Variants in KDM2B observed in about 807,000 individuals in gnomAD.
KDM2B encodes the protein lysine demethylase 2B.
KDM2B carries 26 observed loss-of-function variants against 150.0 expected under a neutral mutation model. That is an observed-to-expected ratio of 0.17 (90% confidence interval 0.13 to 0.24). The LOEUF (loss-of-function observed/expected upper bound fraction) is 0.24. Among genes scored for constraint, KDM2B ranks in the 10% least tolerant of loss-of-function variants. KDM2B has a pLI of 1.00. For missense variants in KDM2B, 1,265 were observed against 1,816.9 expected (o/e 0.70, Z 5.52); for synonymous variants, 734 against 729.5 (o/e 1.01, Z -0.10).
chr12:121,491,000 A>T lies in KDM2B; in HGVS notation c.1734+3579T>A, dbSNP rs569923115. Among the ~76,000 whole-genome samples the T allele has an allele frequency of 2.0e-5, 3 of 152,274 alleles. No individual in the cohort carries two copies. The South Asian group carries it at 6.2e-4, about 32-fold the overall frequency. ...ACCCCAACCTGCATCCAATGGGAGG[A>T]AGCTGCAACCTGGGAACCCAGAGAC... On this transcript the variant is annotated intron_variant, in intron 12 of 22. Transcript: ENST00000377071.
At chr12:121,474,249 C>G (rs1266432079) in intron 12 of KDM2B, among the ~76,000 whole-genome samples, 1 of 152,168 alleles carries the variant, frequency 6.6e-6, no homozygotes, top group African/African-American at 2.4e-5. Context: ...CACGGTGGCT[C>G]ACACCTGTAA....
chr12:121,454,990 G>A (rs1593803909), intron 12 of KDM2B, among the ~76,000 whole-genome samples: 1 of 152,086 alleles, frequency 6.6e-6, no homozygotes, highest in Admixed American at 6.5e-5. Context: ...CTCAAATACA[G>A]CCTCGCCACC....
intron 8 of KDM2B, among the ~76,000 whole-genome samples, chr12:121,531,926 C>G (rs1555307854): frequency 6.6e-6 from 1 of 152,036 alleles, no homozygotes; most frequent in Non-Finnish European, 1.5e-5. Context: ...AACCCCACCT[C>G]TACTAAAAAT....
intron 8 of KDM2B, among the ~76,000 whole-genome samples, chr12:121,530,460 C>G (rs1489780510): frequency 1.3e-5 from 2 of 151,984 alleles, no homozygotes; most frequent in Non-Finnish European, 2.9e-5. Flanking sequence ...GTATCTGTTC[C>G]TAAGTTTTTT....
intron 6 of KDM2B, among the ~76,000 whole-genome samples, chr12:121,547,626 C>T (rs1889162505): frequency 6.6e-6 from 1 of 150,788 alleles, no homozygotes; most frequent in African/African-American, 2.4e-5. Context: ...CTGGGACAGC[C>T]TGTGTCTCCT....
At chr12:121,437,782 A>G (rs1555287153) in intron 22 of KDM2B, among the ~76,000 whole-genome samples, 2 of 152,176 alleles carry the variant, frequency 1.3e-5, no homozygotes, top group African/African-American at 4.8e-5. Context: ...AGGCATGTCA[A>G]CTGTCATCTA....
intron 6 of KDM2B, among the ~76,000 whole-genome samples, chr12:121,547,715 T>G (rs1449275520): frequency 7.0e-6 from 1 of 142,582 alleles, no homozygotes; most frequent in Non-Finnish European, 1.5e-5. Context: ...AGTGGCTCAA[T>G]CACTGCAACC....
intron 8 of KDM2B, among the ~76,000 whole-genome samples, chr12:121,523,760 A>G (rs1383665691): frequency 1.3e-5 from 2 of 152,242 alleles, no homozygotes; most frequent in African/African-American, 4.8e-5. Context: ...GGGTACAGGC[A>G]CGAGGGCTTT....
intron 22 of KDM2B, among the ~76,000 whole-genome samples, chr12:121,434,474 C>A (rs1397215552): frequency 2.2e-5 from 3 of 137,548 alleles, no homozygotes; most frequent in Admixed American, 8.0e-5. Context: ...GCACTCCAGG[C>A]TGGGCAACAG....
In KDM2B at chr12:121,520,924, C is replaced by T. The variant is rs571111248; in HGVS notation, c.1047+61G>A. 108 of 1,292,872 alleles carry T rather than the reference C, an allele frequency of 8.4e-5. No homozygotes were observed. The African/African-American group carries it at 1.3e-3, about 16-fold the overall frequency. 80.1% of individuals were successfully genotyped at this position (1,292,872 alleles called of 1,614,324 possible). On this transcript the variant is annotated intron_variant, in intron 9 of 22. Transcript: ENST00000377071. The surrounding 1 kb of genome is among the most constrained non-coding windows in gnomAD (Gnocchi z 4.5). ...CTTCAGTATGACCTGTCCCACACAC[C>T]GAGCACCGGCAGAGCTCAGGGGCCA...
Position 121,578,888 on chromosome 12 carries a change from A to G in KDM2B, c.185T>C (p.Ile62Thr). ...CAGGCTGAAGCCGCGGACGCTGACG[A>G]TCTCCTCCACGTCCGACAAGTCCTC... The part of the protein sequence containing the change: ...ENEDLSDVEE[I>T]VSVRGFSLEE... Residue 62 changes from isoleucine to threonine, a missense_variant, in exon 2 of 23, where the codon ATC becomes ACC. This residue lies in a region of KDM2B where 214 missense variants were observed against 447.4 expected (regional missense o/e 0.48). Transcript: ENST00000377071. The G allele has an allele frequency of 6.2e-7, 1 of 1,612,944 alleles. No homozygotes were observed. The highest frequency in any genetic ancestry group is 2.2e-5 in the East Asian group (1 of 44,824).
chr12:121,442,865 C>A lies in KDM2B; in HGVS notation c.2605-29G>T. On this transcript the variant is annotated intron_variant, in intron 18 of 22. Transcript: ENST00000377071. This position sits in a 1 kb window ranked among gnomAD's most constrained non-coding sequence, Gnocchi z 7.7. ...AGGGCGAGAGCGGAGACGCGTCAGCCTCTGGGGCTCAGGGCTGCGCCCGCC... is the reference window on the plus strand; with the variant it reads ...AGGGCGAGAGCGGAGACGCGTCAGCATCTGGGGCTCAGGGCTGCGCCCGCC... 1 of 1,523,568 alleles carries A rather than the reference C, an allele frequency of 6.6e-7. No individual in the cohort carries two copies. The highest frequency in any genetic ancestry group is 8.8e-7 in the Non-Finnish European group (1 of 1,140,626). 94.4% of individuals were successfully genotyped at this position (1,523,568 alleles called of 1,614,324 possible).
intron 4 of KDM2B, among the ~76,000 whole-genome samples, chr12:121,558,203 G>C (rs1015916050): frequency 6.6e-6 from 1 of 152,164 alleles, no homozygotes; most frequent in Non-Finnish European, 1.5e-5. Flanking sequence ...ACTCTTTGTC[G>C]CATGAGGAAT....
chr12:121,545,327 G>A (rs1555310530), intron 6 of KDM2B, among the ~76,000 whole-genome samples: 2 of 151,412 alleles, frequency 1.3e-5, no homozygotes, highest in South Asian at 2.1e-4. Context: ...CACACAATTC[G>A]ACCCCAAGAC....
At chr12:121,553,251 G>A (rs1889651927) in intron 4 of KDM2B, among the ~76,000 whole-genome samples, 1 of 150,742 alleles carries the variant, frequency 6.6e-6, no homozygotes, top group Non-Finnish European at 1.5e-5. Flanking sequence ...AAGAAAGAAA[G>A]AACCCCGGTA....
chr12:121,527,158 T>C (rs1293970044), intron 8 of KDM2B, among the ~76,000 whole-genome samples: 1 of 150,958 alleles, frequency 6.6e-6, no homozygotes, highest in East Asian at 2.1e-4. Context: ...CACCATTCTC[T>C]GGCCTCAGCC....
At chr12:121,552,617 G>A (rs539448208) in intron 4 of KDM2B, among the ~76,000 whole-genome samples, 1 of 150,548 alleles carries the variant, frequency 6.6e-6, no homozygotes, top group South Asian at 2.1e-4. Context: ...AGGTTGCAGT[G>A]AGCTGAGGTC....
At chr12:121,420,408 C>T in the KDM2B span, 85 of 1,552,666 alleles carry the variant, frequency 5.5e-5, no homozygotes, top group African/African-American at 5.3e-4. Context: ...TGTGGACATT[C>T]GCTAGATTAG....
chr12:121,490,732 G>A (rs927127321), intron 12 of KDM2B, among the ~76,000 whole-genome samples: 1 of 152,212 alleles, frequency 6.6e-6, no homozygotes, highest in African/African-American at 2.4e-5. Context: ...CCAGTCGGGT[G>A]GATGGTGATA....
Sources: gnomAD v4.1 joint callset for allele counts (sites outside exome capture counted in the v4.1 genomes callset) on GRCh38, gnomAD v4.1.1 for gene constraint, gnomAD v4.1.1 regional missense constraint, Gnocchi (gnomAD v3.1) non-coding constraint, MANE v1.5 for transcripts, NCBI Gene and HGNC (gene_info 2026-07-23, HGNC 2026-07-21) for gene names.